The following DLG2 variants were observed in gnomAD, a reference collection of about 807,000 sequenced individuals.
The protein encoded by DLG2 is disks large homolog 2.
A neutral mutation model predicts 132.5 loss-of-function variants in DLG2; 45 were observed. That is an observed-to-expected ratio of 0.34 (90% CI 0.27 to 0.44). The LOEUF (loss-of-function observed/expected upper bound fraction) is 0.44. Ranked by LOEUF, DLG2 falls within the 20% of genes least tolerant of loss-of-function variation. The pLI is 1.00. For missense variants in DLG2, 1,045 were observed against 1,196.9 expected (o/e 0.87, Z 1.87); for synonymous variants, 424 against 419.6 (o/e 1.01, Z -0.13).
At chr11:84,235,811 T>A (rs2097150778) in intron 8 of DLG2, among the ~76,000 whole-genome samples, 1 of 152,136 alleles carries the variant, frequency 6.6e-6, no homozygotes, top group South Asian at 2.1e-4. Context: ...CCCCTTACTA[T>A]CTGCTGTGTG....
chr11:84,610,753 C>A (rs2099593981), intron 6 of DLG2, among the ~76,000 whole-genome samples: 2 of 152,128 alleles, frequency 1.3e-5, no homozygotes, highest in Middle Eastern at 3.4e-3. Context: ...GTGACCCAAC[C>A]CAAGGGTAAC....
chr11:85,123,885 G>A (rs1418196278), intron 5 of DLG2, among the ~76,000 whole-genome samples: 1 of 152,134 alleles, frequency 6.6e-6, no homozygotes, highest in Non-Finnish European at 1.5e-5. Flanking sequence ...GGAAGAAGAA[G>A]CTAAAACATT....
Position 84,164,568 on chromosome 11 carries a change from G to T in DLG2, c.574-1057C>A, listed in dbSNP as rs547581068. Among the ~76,000 whole-genome samples the T allele has an allele frequency of 4.6e-5, 7 of 152,304 alleles. 1 individual carries two copies. The South Asian group carries it at 1.5e-3, about 32-fold the overall frequency. On this transcript the variant is annotated intron_variant, in intron 8 of 27. Coordinates refer to ENST00000376104, the MANE Select transcript of DLG2 (RefSeq NM_001142699.3). ...AGCCAGCCCTGTTGCCTAACACAGAGCCTGGCAAGAAAATAATGAGGGAAA... is the reference window on the plus strand; with the variant it reads ...AGCCAGCCCTGTTGCCTAACACAGATCCTGGCAAGAAAATAATGAGGGAAA...
intron 3 of DLG2, among the ~76,000 whole-genome samples, chr11:85,595,064 C>CA (rs947518185): frequency 0.034 from 1,950 of 57,030 alleles, 73 homozygotes; most frequent in African/African-American, 0.074. Context: ...GACTCTGTCT[C>CA]AAAAAAAAAA....
chr11:85,159,273 A>G (rs1482453296), intron 4 of DLG2, among the ~76,000 whole-genome samples: 1 of 152,028 alleles, frequency 6.6e-6, no homozygotes, highest in African/African-American at 2.4e-5. Context: ...GTGTATCCGG[A>G]CTCATCCTGT....
intron 7 of DLG2, among the ~76,000 whole-genome samples, chr11:84,380,299 G>A (rs1049853441): frequency 2.6e-5 from 4 of 151,900 alleles, no homozygotes; most frequent in Non-Finnish European, 5.9e-5. Flanking sequence ...TAATCAGCTA[G>A]AGAATGCACT....
At position 83,518,776 on chromosome 11, in the gene DLG2, T is replaced by C. The variant is rs987037068; in HGVS notation, c.2193+13932A>G. On this transcript the variant is annotated intron_variant, in intron 21 of 27. Coordinates refer to ENST00000376104, the MANE Select transcript of DLG2 (RefSeq NM_001142699.3). ...CAGAGTCTTAGCATATATATATGTA[T>C]ATATTTGTACTTACTATGATGTGAG... 5.9e-5 allele frequency among the ~76,000 whole-genome samples: 9 copies of C among 152,316 alleles called. No individual in the cohort carries two copies. The East Asian group carries it at 1.7e-3, about 29-fold the overall frequency.
At chr11:83,833,564 A>T (rs1033898627) in intron 17 of DLG2, 50 bp downstream of exon 17, 1 of 1,517,494 alleles carries the variant, frequency 6.6e-7, no homozygotes, top group African/African-American at 1.4e-5. Flanking sequence ...TGACTTTTTC[A>T]TTGATGGCGT....
intron 7 of DLG2, among the ~76,000 whole-genome samples, chr11:84,459,547 C>T (rs1044456364): frequency 6.0e-5 from 9 of 150,468 alleles, no homozygotes; most frequent in Non-Finnish European, 3.0e-5. Flanking sequence ...GAAAATTTAA[C>T]TTTTTTTCAA....
intron 7 of DLG2, among the ~76,000 whole-genome samples, chr11:84,412,671 C>A (rs2098913025): frequency 6.6e-6 from 1 of 152,188 alleles, no homozygotes; most frequent in South Asian, 2.1e-4. Flanking sequence ...ACCAGCCACC[C>A]TTCCTTACTG....
At chr11:85,249,249 C>G (rs1173764491) in intron 4 of DLG2, among the ~76,000 whole-genome samples, 1 of 151,836 alleles carries the variant, frequency 6.6e-6, no homozygotes, top group Non-Finnish European at 1.5e-5. Context: ...AGATTGGAAA[C>G]TAATGATATT....
chr11:83,671,984 C>T (rs2076906133), intron 18 of DLG2, among the ~76,000 whole-genome samples: 1 of 151,620 alleles, frequency 6.6e-6, no homozygotes, highest in Admixed American at 6.6e-5. Context: ...TTTTCTTTGC[C>T]AATTATTTAT....
chr11:85,578,482 A>G (rs1396797674), intron 3 of DLG2, among the ~76,000 whole-genome samples: 3 of 152,202 alleles, frequency 2.0e-5, no homozygotes, highest in Non-Finnish European at 4.4e-5. Context: ...AAAATTTTGC[A>G]AACTATGCAT....
At chr11:84,904,615 C>G (rs895090735) in intron 6 of DLG2, among the ~76,000 whole-genome samples, 4 of 152,144 alleles carry the variant, frequency 2.6e-5, no homozygotes, top group African/African-American at 9.7e-5. Flanking sequence ...TTAAGTCCAG[C>G]TATTGAAACT....
intron 6 of DLG2, among the ~76,000 whole-genome samples, chr11:84,928,239 T>G (rs1341949644): frequency 6.6e-6 from 1 of 151,890 alleles, no homozygotes; most frequent in East Asian, 1.9e-4. Flanking sequence ...TCTTAAAAAC[T>G]CTAACAGCTC....
chr11:83,502,619 A>T (rs1418080042), intron 21 of DLG2, among the ~76,000 whole-genome samples: 1 of 152,048 alleles, frequency 6.6e-6, no homozygotes, highest in Non-Finnish European at 1.5e-5. Context: ...ACTCCCAGGA[A>T]TGCCACTTCT....
At chr11:84,801,236 G>T (rs1319117568) in intron 6 of DLG2, among the ~76,000 whole-genome samples, 1 of 152,152 alleles carries the variant, frequency 6.6e-6, no homozygotes, top group Admixed American at 6.6e-5. Context: ...ATATTAGTAT[G>T]TGCCATGCTA....
At chr11:85,318,450 A>G (rs901578487) in intron 3 of DLG2, among the ~76,000 whole-genome samples, 1 of 151,876 alleles carries the variant, frequency 6.6e-6, no homozygotes, top group Admixed American at 6.6e-5. Flanking sequence ...AAAAAAAAGG[A>G]AAGTACACTC....
At chr11:84,718,442 T>C (rs1310043484) in intron 6 of DLG2, among the ~76,000 whole-genome samples, 1 of 152,092 alleles carries the variant, frequency 6.6e-6, no homozygotes, top group Non-Finnish European at 1.5e-5. Context: ...AAGTGTGTGC[T>C]TGAAATTATT....
Sources: allele counts gnomAD v4.1 joint callset (sites outside exome capture counted in the v4.1 genomes callset), GRCh38; gene constraint gnomAD v4.1.1; transcripts MANE v1.5; gene names NCBI Gene and HGNC (gene_info 2026-07-23, HGNC 2026-07-21).